EML5: variants seen among roughly 807,000 people sequenced by gnomAD.
The protein encoded by EML5 is echinoderm microtubule-associated protein-like 5.
A neutral mutation model predicts 250.0 loss-of-function variants in EML5; 120 were observed. The observed-to-expected ratio is 0.48, with a 90% CI of 0.41 to 0.56. The LOEUF (loss-of-function observed/expected upper bound fraction) is 0.56. EML5 is among the 20% of genes least tolerant of loss of function. The probability of loss-of-function intolerance (pLI) is 0.00; values close to 1 mark genes in which losing one functional copy is unlikely to be tolerated. For synonymous variants in EML5, 771 were observed against 806.5 expected, an observed-to-expected ratio of 0.96 and a Z score of 0.75; for missense variants, 2,006 against 2,437.6, an observed-to-expected ratio of 0.82 and a Z score of 3.73.
intron 8 of EML5, among the ~76,000 whole-genome samples, chr14:88,717,623 C>T (rs1193820899): frequency 1.3e-5 from 2 of 152,106 alleles, no homozygotes; most frequent in East Asian, 1.9e-4. Context: ...GGTGTGGTGG[C>T]ATCCGCCTGT....
intron 1 of EML5, among the ~76,000 whole-genome samples, chr14:88,772,828 C>T (rs374598692): frequency 1.3e-5 from 2 of 152,144 alleles, no homozygotes; most frequent in South Asian, 2.1e-4. Context: ...TCACTACACT[C>T]CAGCTACACT....
chr14:88,651,231 T>C (rs1218243295), intron 27 of EML5, among the ~76,000 whole-genome samples: 1 of 140,854 alleles, frequency 7.1e-6, no homozygotes, highest in African/African-American at 2.6e-5. Context: ...ACCCTCTCTC[T>C]CCCTCCCCAC....
rs34191990 is a variant in EML5 at position 88,647,687 on chromosome 14, C to CAAAAAAAAAAAAAAAA, written c.4020-748_4020-733dup. Among the ~76,000 whole-genome samples the CAAAAAAAAAAAAAAAA allele has an allele frequency of 5.5e-4, 27 of 48,754 alleles. 1 individual carries two copies. The highest frequency in any genetic ancestry group is 1.8e-3 in the African/African-American group (24 of 13,556). 32.0% of individuals were successfully genotyped at this position (48,754 alleles called of 152,430 possible). A position where few individuals can be genotyped will look rare whatever the true frequency, so the allele number is the denominator to read the frequency against. On this transcript the variant is annotated intron_variant, in intron 28 of 43. Transcript: ENST00000554922. ...CCTAGGTAACAGAGTGAGACCGTCTCAAAAAAAAAAAAAAAAAAAAAAAGG... is the reference window on the plus strand; with the variant it reads ...CCTAGGTAACAGAGTGAGACCGTCTCAAAAAAAAAAAAAAAAAAAAAAAAAAAAAAAAAAAAAAAGG...
intron 7 of EML5, among the ~76,000 whole-genome samples, chr14:88,729,122 AT>A (rs1170802115): frequency 2.0e-5 from 3 of 151,936 alleles, no homozygotes; most frequent in Admixed American, 6.6e-5. Context: ...AATGGCAGTT[AT>A]TTTTTTCCTT....
chr14:88,693,637 A>C (rs1388443472), intron 17 of EML5, among the ~76,000 whole-genome samples: 1 of 152,198 alleles, frequency 6.6e-6, no homozygotes, highest in African/African-American at 2.4e-5. Context: ...AAAATGCATC[A>C]ATACAACAGT....
At chr14:88,756,768 T>G (rs1187250217) in intron 1 of EML5, among the ~76,000 whole-genome samples, 1 of 152,084 alleles carries the variant, frequency 6.6e-6, no homozygotes, top group East Asian at 1.9e-4. Context: ...AGGAATAAAT[T>G]AAACAAAGTA....
At chr14:88,658,819 T>C (rs1393045980) in intron 25 of EML5, among the ~76,000 whole-genome samples, 2 of 152,150 alleles carry the variant, frequency 1.3e-5, no homozygotes, top group African/African-American at 4.8e-5. Context: ...ACAATGTATA[T>C]GGAATAGTGT....
At chr14:88,762,663 A>T (rs1337365776) in intron 1 of EML5, among the ~76,000 whole-genome samples, 1 of 152,206 alleles carries the variant, frequency 6.6e-6, no homozygotes, top group Non-Finnish European at 1.5e-5. Context: ...AAGCAGACCT[A>T]ACAGACATTG....
chr14:88,691,684 C>T (rs1236674903), intron 17 of EML5, among the ~76,000 whole-genome samples: 1 of 152,160 alleles, frequency 6.6e-6, no homozygotes, highest in Non-Finnish European at 1.5e-5. Context: ...TAACCTCAAG[C>T]CTAAGTCATC....
intron 40 of EML5, 155 bp from the exon 41 acceptor site, chr14:88,618,486 G>C (rs1312745267): frequency 9.3e-7 from 1 of 1,076,878 alleles, no homozygotes; most frequent in African/African-American, 1.6e-5. Flanking sequence ...TAGGAGAAAA[G>C]CTCTGATAAG....
rs1361078365 is a variant in EML5 at position 88,744,129 on chromosome 14, T to C, written c.457-38A>G. On this transcript the variant is annotated intron_variant, in intron 3 of 43. Transcript: ENST00000554922. Reference sequence around the variant, plus strand: ...CAGATTCATGATTAAAATACTTATTTCCAGAATCATTTAAAAATCCTGTCC... The same window carrying C: ...CAGATTCATGATTAAAATACTTATTCCCAGAATCATTTAAAAATCCTGTCC... 2.1e-6 allele frequency: 3 copies of C among 1,423,418 alleles called. No homozygotes were observed. In the Admixed American group the frequency reaches 6.5e-5, roughly 31 times the overall value. The allele number at this position is 1,423,418 out of a possible 1,614,324, so 88.2% of individuals were successfully genotyped here.
intron 7 of EML5, among the ~76,000 whole-genome samples, chr14:88,727,722 C>T (rs2093689003): frequency 6.6e-6 from 1 of 152,100 alleles, no homozygotes; most frequent in African/African-American, 2.4e-5. Context: ...TTAAACAATG[C>T]AGTACATTGA....
At chr14:88,689,716 A>C (rs571199861) in intron 17 of EML5, among the ~76,000 whole-genome samples, 1 of 152,286 alleles carries the variant, frequency 6.6e-6, no homozygotes, top group East Asian at 1.9e-4. Flanking sequence ...CCTGCGTGAC[A>C]GAGCAAAACC....
At chr14:88,685,172 GACAT>G in intron 19 of EML5, 30 bp from the exon 20 acceptor site, 14 of 1,570,660 alleles carry the variant, frequency 8.9e-6, no homozygotes, top group Non-Finnish European at 1.2e-5. Context: ...TGTTCTTTTA[GACAT>G]ACAGTTACTA....
intron 28 of EML5, among the ~76,000 whole-genome samples, chr14:88,649,465 A>G (rs947089602): frequency 3.3e-5 from 5 of 152,230 alleles, no homozygotes; most frequent in African/African-American, 1.2e-4. Context: ...AGTAACCCAA[A>G]GAGTCTTTAC....
At chr14:88,745,299 C>G (rs1298244363) in intron 3 of EML5, among the ~76,000 whole-genome samples, 1 of 151,734 alleles carries the variant, frequency 6.6e-6, no homozygotes. Context: ...AAATTCCCAC[C>G]AAATACAGTC....
chr14:88,621,770 GT>G (rs2088998903), intron 37 of EML5: 1 of 344,170 alleles, frequency 2.9e-6, no homozygotes, highest in Non-Finnish European at 5.8e-6. Flanking sequence ...AGGAGTTGTA[GT>G]TTTGAATTTT....
intron 33 of EML5, among the ~76,000 whole-genome samples, chr14:88,632,435 C>T (rs1319466752): frequency 6.6e-6 from 1 of 152,196 alleles, no homozygotes; most frequent in African/African-American, 2.4e-5. Context: ...ACAGCCTCTG[C>T]ACTTAGCATG....
At chr14:88,635,882 C>T (rs2090696276) in intron 32 of EML5, among the ~76,000 whole-genome samples, 1 of 152,040 alleles carries the variant, frequency 6.6e-6, no homozygotes, top group Middle Eastern at 3.2e-3. Flanking sequence ...CTTTTTTCAC[C>T]ATGTGAGGAT....
Sources: allele counts gnomAD v4.1 joint callset (sites outside exome capture counted in the v4.1 genomes callset), GRCh38; gene constraint gnomAD v4.1.1; transcripts MANE v1.5; gene names NCBI Gene and HGNC (gene_info 2026-07-23, HGNC 2026-07-21).